Variants in ANAPC7 observed in about 807,000 individuals in gnomAD.
The protein encoded by ANAPC7 is anaphase-promoting complex subunit 7.
A neutral mutation model predicts 63.3 loss-of-function variants in ANAPC7; 25 were observed. The observed-to-expected ratio is 0.39, with a 90% CI of 0.29 to 0.55. The LOEUF is 0.55. Among genes scored for constraint, ANAPC7 ranks in the 20% least tolerant of loss-of-function variants. The pLI, the probability that ANAPC7 is intolerant of heterozygous loss-of-function variation, is 0.57. For missense variants in ANAPC7, 516 were observed against 691.7 expected (o/e 0.75, Z 2.85); for synonymous variants, 241 against 251.7 (o/e 0.96, Z 0.40).
At chr12:110,381,058 C>CA (rs202155296) in intron 8 of ANAPC7, among the ~76,000 whole-genome samples, 5,020 of 98,314 alleles carry the variant, frequency 0.051, 102 homozygotes, top group Middle Eastern at 0.1. Flanking sequence ...GGTGGGAGGA[C>CA]AAAAAAAAAA....
At position 110,388,319 on chromosome 12, in the gene ANAPC7, A is replaced by G. The variant is rs139997986; in HGVS notation, c.520+193T>C. ...CCCAAGGTGCTAGAATTACAGGTGT[A>G]AGCCACCATGCCCGGCCAAAAACCA... On this transcript the variant is annotated intron_variant, in intron 4 of 10. Coordinates refer to ENST00000455511, the MANE Select transcript of ANAPC7 (RefSeq NM_016238.3). Among the ~76,000 whole-genome samples, 1,046 of 152,244 alleles carry G rather than the reference A, an allele frequency of 6.9e-3. 1 individual carries two copies. The highest frequency in any genetic ancestry group is 9.4e-3 in the Non-Finnish European group (640 of 68,012).
In ANAPC7 at chr12:110,401,537, G is replaced by A. The variant is rs992900146; in HGVS notation, c.101+1990C>T. On this transcript the variant is annotated intron_variant, in intron 1 of 10. Coordinates refer to ENST00000455511, the MANE Select transcript of ANAPC7 (RefSeq NM_016238.3). The stretch of plus-strand genomic sequence containing the variant: ...AGGAGGCAACGCTGAGATGAGGACC[G>A]TCGCAGGAGGAACAGCAAGTACAAG... Among the ~76,000 whole-genome samples, 4 of 152,150 alleles carry A rather than the reference G, an allele frequency of 2.6e-5. No homozygotes were observed. In the South Asian group the frequency reaches 6.2e-4, roughly 24 times the overall value.
Position 110,382,922 on chromosome 12 carries a change from G to A in ANAPC7, c.856C>T (p.Arg286Trp), listed in dbSNP as rs1311052512. ...VYGYLLAREG[R>W]LEDVENLGCR... Reference sequence around the variant, plus strand: ...CCAAGGTTCTCAACATCCTCTAGCCGCCCTTCTCGTGCCAGTAGGTAGCCA... The same window carrying A: ...CCAAGGTTCTCAACATCCTCTAGCCACCCTTCTCGTGCCAGTAGGTAGCCA... Residue 286 changes from arginine to tryptophan, a missense_variant, in exon 7 of 11, where the codon CGG becomes TGG. This residue lies in a region of ANAPC7 where 199 missense variants were observed against 249.3 expected (regional missense o/e 0.80). Transcript: ENST00000455511. The A allele has an allele frequency of 5.6e-6, 9 of 1,613,778 alleles. No homozygotes were observed. The highest frequency in any genetic ancestry group is 6.8e-6 in the Non-Finnish European group (8 of 1,179,804).
chr12:110,383,899 GAAAAAAA>G (rs1194661087), intron 6 of ANAPC7, among the ~76,000 whole-genome samples: 1 of 94,002 alleles, frequency 1.1e-5, no homozygotes, highest in Non-Finnish European at 2.2e-5. Flanking sequence ...AAAAAAAAAA[GAAAAAAA>G]AAAGAAAAAA....
At position 110,396,463 on chromosome 12, in the gene ANAPC7, A is replaced by T. The variant is rs375282612; in HGVS notation, c.102-11T>A. The T allele has an allele frequency of 2.5e-6, 4 of 1,584,062 alleles. No individual in the cohort carries two copies. In the African/African-American group the frequency reaches 5.5e-5, roughly 22 times the overall value. On this transcript the variant is annotated splice_polypyrimidine_tract_variant and intron_variant, in intron 1 of 10. Coordinates refer to ENST00000455511, the MANE Select transcript of ANAPC7 (RefSeq NM_016238.3). ...GGGGAGAATAACTCACTAGAAAACA[A>T]GAGAAAATGTAATACATCTTTTCCT...
Position 110,377,377 on chromosome 12 carries a change from A to T in ANAPC7, c.1357+16T>A. 1 of 1,606,616 alleles carries T rather than the reference A, an allele frequency of 6.2e-7. No individual in the cohort carries two copies. The highest frequency in any genetic ancestry group is 8.5e-7 in the Non-Finnish European group (1 of 1,174,044). ...AAAATTAATGATGAACAGGACAGAA[A>T]ATAAGACACACTTACTAAGTAGTTC... On this transcript the variant is annotated intron_variant, in intron 9 of 10. Coordinates refer to ENST00000455511, the MANE Select transcript of ANAPC7 (RefSeq NM_016238.3).
chr12:110,389,339 C>G (rs1316405948), intron 3 of ANAPC7, among the ~76,000 whole-genome samples: 1 of 152,092 alleles, frequency 6.6e-6, no homozygotes, highest in Non-Finnish European at 1.5e-5. Context: ...CTTGACATAG[C>G]TAGTTAAGAA....
chr12:110,377,133 T>G (rs2137917746), intron 9 of ANAPC7, among the ~76,000 whole-genome samples: 1 of 126,802 alleles, frequency 7.9e-6, no homozygotes, highest in East Asian at 2.2e-4. Context: ...CAAGATGCCG[T>G]CTCAAAAAAA....
At chr12:110,392,277 A>C (rs1883167160) in intron 3 of ANAPC7, among the ~76,000 whole-genome samples, 1 of 152,150 alleles carries the variant, frequency 6.6e-6, no homozygotes, top group Non-Finnish European at 1.5e-5. Context: ...TTCATAATAA[A>C]CTTTCAAGTG....
intron 5 of ANAPC7, 133 bp from the exon 6 acceptor site, chr12:110,386,602 T>A (rs529174929): frequency 1.1e-6 from 1 of 897,078 alleles, no homozygotes; most frequent in Non-Finnish European, 1.7e-6. Flanking sequence ...TAAAAAACTT[T>A]AAGCTTATGA....
intron 1 of ANAPC7, among the ~76,000 whole-genome samples, chr12:110,397,603 A>G (rs2062162413): frequency 6.6e-6 from 1 of 151,910 alleles, no homozygotes; most frequent in Admixed American, 6.6e-5. Context: ...GCCACTATAA[A>G]AGGAGAATGG....
chr12:110,393,564 T>TA (rs1436727470), intron 3 of ANAPC7, among the ~76,000 whole-genome samples: 2 of 150,642 alleles, frequency 1.3e-5, no homozygotes, highest in African/African-American at 2.4e-5. Context: ...CATCTCTATT[T>TA]AAAAAAAAGA....
At chr12:110,383,205 G>A (rs1882107298) in intron 6 of ANAPC7, 1 of 364,088 alleles carries the variant, frequency 2.7e-6, no homozygotes, top group East Asian at 4.6e-5. Context: ...TTAAGAAGCC[G>A]AGGCAGGTGG....
In ANAPC7 at chr12:110,382,770, T is replaced by C. The variant is rs200047744; in HGVS notation, c.935+73A>G. The C allele has an allele frequency of 1.4e-3, 1,834 of 1,282,332 alleles. 5 individuals carry two copies. Among genetic ancestry groups the C allele is most frequent in the Middle Eastern group, 1.7e-3 (9 of 5,226 alleles). The allele number at this position is 1,282,332 out of a possible 1,614,324, so 79.4% of individuals were successfully genotyped here. ...CTCTTAAACCTGTGCTTTCAATTTA[T>C]ATTCTCTTCAAGAGCAACCATTATC... is the stretch of plus-strand genomic sequence containing the variant. On this transcript the variant is annotated intron_variant, in intron 7 of 10. Coordinates refer to ENST00000455511, the MANE Select transcript of ANAPC7 (RefSeq NM_016238.3).
chr12:110,383,875 C>CAA (rs1159374781), intron 6 of ANAPC7, among the ~76,000 whole-genome samples: 913 of 50,026 alleles, frequency 0.018, 11 homozygotes, highest in African/African-American at 0.023. Flanking sequence ...GACTCCGTCT[C>CAA]AAAAAAAAAA....
intron 2 of ANAPC7, among the ~76,000 whole-genome samples, chr12:110,395,830 G>A (rs1220043842): frequency 6.6e-6 from 1 of 152,144 alleles, no homozygotes; most frequent in Non-Finnish European, 1.5e-5. Context: ...GAGCCACTGC[G>A]CCCAGCTTCT....
intron 7 of ANAPC7, among the ~76,000 whole-genome samples, chr12:110,382,476 A>T (rs1482693570): frequency 1.5e-5 from 2 of 129,458 alleles, no homozygotes; most frequent in Non-Finnish European, 3.3e-5. Context: ...ATATATATAT[A>T]TATATATATA....
intron 3 of ANAPC7, among the ~76,000 whole-genome samples, chr12:110,391,210 T>G (rs1196858757): frequency 6.6e-6 from 1 of 151,820 alleles, no homozygotes; most frequent in Non-Finnish European, 1.5e-5. Context: ...ACAAAAAAAG[T>G]CAACTATTTT....
At chr12:110,382,460 A>T (rs1592902085) in intron 7 of ANAPC7, among the ~76,000 whole-genome samples, 6 of 70,370 alleles carry the variant, frequency 8.5e-5, no homozygotes, top group African/African-American at 2.1e-4. Context: ...AAAAAAAAAA[A>T]AATATATATA....
Sources: allele counts gnomAD v4.1 joint callset (sites outside exome capture counted in the v4.1 genomes callset), GRCh38; gene constraint gnomAD v4.1.1; regional missense constraint gnomAD v4.1.1; transcripts MANE v1.5; gene names NCBI Gene and HGNC (gene_info 2026-07-23, HGNC 2026-07-21).